KMT2D: variants seen among roughly 807,000 people sequenced by gnomAD.
KMT2D encodes the protein histone-lysine N-methyltransferase 2D.
A neutral mutation model predicts 512.7 loss-of-function variants in KMT2D; 55 were observed. The observed-to-expected ratio is 0.11, with a 90% CI of 0.09 to 0.13. The LOEUF is 0.13. Among genes scored for constraint, KMT2D ranks in the 10% least tolerant of loss-of-function variants. The pLI is 1.00. For synonymous variants in KMT2D, 2,995 were observed against 2,904.0 expected (o/e 1.03, Z -1.01); for missense variants, 6,061 against 7,127.9 (o/e 0.85, Z 5.39).
In KMT2D at chr12:49,038,251, G is replaced by A. The variant is rs1943320455; in HGVS notation, c.9105C>T (p.Asp3035=). ...CATTGAGCAGGTCATCCAAGTGGGG[G>A]TCATTGGTCTCCAGGTTTTCTAAGG... ...LGTLENLETN[D]PHLDDLLNGD... The change falls in exon 35 of 55, where the codon GAC becomes GAT. Residue 3035 remains aspartate, a synonymous_variant. Transcript: ENST00000301067. This position sits in a 1 kb window ranked among gnomAD's most constrained non-coding sequence, Gnocchi z 5.7. 6.2e-7 allele frequency: 1 copy of A among 1,613,856 alleles called. No individual in the cohort carries two copies. The highest frequency in any genetic ancestry group is 8.5e-7 in the Non-Finnish European group (1 of 1,179,900).
chr12:49,044,222 A>G lies in KMT2D; in HGVS notation c.5166T>C (p.Ser1722=). 6.2e-7 allele frequency: 1 copy of G among 1,611,460 alleles called. No homozygotes were observed. Among genetic ancestry groups the G allele is most frequent in the Non-Finnish European group, 8.5e-7 (1 of 1,179,656 alleles). ...CACCCTCGTCGGGCTGCCCATCCCC[A>G]CTCAACACCTCCGCCTGTGCAGCAG... ...KGPAAQAEVL[S]GDGQPDEVIP... is the part of the protein sequence containing the mutation. The change falls in exon 22 of 55, where the codon AGT becomes AGC. Residue 1722 remains serine (S), a synonymous_variant. Transcript: ENST00000301067. The surrounding 1 kb of genome is among the most constrained non-coding windows in gnomAD (Gnocchi z 6.4).
rs2120482406 is a variant in KMT2D at position 49,037,592 on chromosome 12, T to C, written c.9764A>G (p.His3255Arg). ...LPLLIEDLLEHEKKELQKKQQ... is the reference protein window; with the variant it reads ...LPLLIEDLLEREKKELQKKQQ... ...CTTCTTCTGCAGCTCCTTCTTCTCA[T>C]GCTCCAACAGGTCCTCAATGAGCAG... Residue 3255 changes from histidine to arginine, a missense_variant, in exon 35 of 55, where the codon CAT becomes CGT. By Grantham distance (29) the His-to-Arg change is conservative. Around this residue, in one of 16 missense-constraint regions of KMT2D, gnomAD observed 533 missense variants for 539.6 expected, o/e 0.99. Coordinates refer to ENST00000301067, the MANE Select transcript of KMT2D (RefSeq NM_003482.4). 6.4e-7 allele frequency: 1 copy of C among 1,556,116 alleles called. No homozygotes were observed.
intron 19 of KMT2D, among the ~76,000 whole-genome samples, chr12:49,045,643 CAA>C (rs559720363): frequency 3.3e-4 from 23 of 70,078 alleles, no homozygotes; most frequent in Admixed American, 6.7e-4. Context: ...GACTCCATCT[CAA>C]AAAAAAAAAA....
rs1316716261 is a variant in KMT2D at position 49,051,033 on chromosome 12, G to T, written c.2650C>A (p.Pro884Thr). 2 of 1,553,158 alleles carry T rather than the reference G, an allele frequency of 1.3e-6. No homozygotes were observed. The highest frequency in any genetic ancestry group is 1.7e-6 in the Non-Finnish European group (2 of 1,152,090). ...GATAAGGATGGTTCCCCAGGGGGAG[G>T]GAACAAGGGCAGCTCCTCAGGTGCA... is the stretch of plus-strand genomic sequence containing the variant. ...CPAPEELPLFPPPGEPSLSPL... is the reference protein window; with the variant it reads ...CPAPEELPLFTPPGEPSLSPL... Residue 884 changes from proline to threonine, a missense_variant, in exon 11 of 55, where the codon CCT (proline) becomes ACT (threonine). Coordinates refer to ENST00000301067, the MANE Select transcript of KMT2D (RefSeq NM_003482.4).
At chr12:49,047,232 G>A (rs893104775) in intron 15 of KMT2D, among the ~76,000 whole-genome samples, 1 of 151,970 alleles carries the variant, frequency 6.6e-6, no homozygotes, top group African/African-American at 2.4e-5. Context: ...CAGAGACTTA[G>A]GCAGAGCACC....
rs778292705 is a variant in KMT2D at position 49,051,672 on chromosome 12, A to T, written c.2011T>A (p.Leu671Met). The stretch of plus-strand genomic sequence containing the variant: ...GGAGACTCCTCAGGCGGTGGGGACA[A>T]GGGAGATTCCTCAGGCGGTGGAGAC... ...RLSPPPEESPLSPPPEESPTS... is the reference protein window; with the variant it reads ...RLSPPPEESPMSPPPEESPTS... Residue 671 changes from leucine to methionine, a missense_variant, in exon 11 of 55, where the codon TTG becomes ATG. Transcript: ENST00000301067. 13 of 1,182,320 alleles carry T rather than the reference A, an allele frequency of 1.1e-5. No homozygotes were observed. The highest frequency in any genetic ancestry group is 2.6e-5 in the African/African-American group (1 of 38,780). The allele number at this position is 1,182,320 out of a possible 1,614,324, so 73.2% of individuals were successfully genotyped here. A position where few individuals can be genotyped will look rare whatever the true frequency, so the allele number is the denominator to read the frequency against.
In KMT2D at chr12:49,026,499, T is replaced by C. The variant is rs769483933; in HGVS notation, c.15467A>G (p.Tyr5156Cys). The stretch of plus-strand genomic sequence containing the variant: ...TTGCTTCACCTCGTCCCGCTCAATG[T>C]AGACCCGCCGGAAGACAGCAAAAGA... ...LSSFAVFRRVYIERDEVKQIA... is the reference protein window; with the variant it reads ...LSSFAVFRRVCIERDEVKQIA... Residue 5156 changes from tyrosine (Y) to cysteine (C), a missense_variant, in exon 49 of 55, where the codon TAC (tyrosine) becomes TGC (cysteine). Physicochemically the swap from Tyr to Cys is radical, Grantham distance 194. Around this residue, in one of 16 missense-constraint regions of KMT2D, gnomAD observed 261 missense variants for 440.7 expected, o/e 0.59. Coordinates refer to ENST00000301067, the MANE Select transcript of KMT2D (RefSeq NM_003482.4). This position sits in a 1 kb window ranked among gnomAD's most constrained non-coding sequence, Gnocchi z 9.6. The C allele has an allele frequency of 6.2e-7, 1 of 1,613,908 alleles. No individual in the cohort carries two copies. Among genetic ancestry groups the C allele is most frequent in the Non-Finnish European group, 8.5e-7 (1 of 1,179,884 alleles).
chr12:49,031,114 T>A (rs2120415997), intron 40 of KMT2D, 61 bp downstream of exon 40: 1 of 1,610,472 alleles, frequency 6.2e-7, no homozygotes, highest in Admixed American at 1.7e-5. Flanking sequence ...GGCTCACTCA[T>A]TCTGCCCCCC....
rs757283005 is a variant in KMT2D at position 49,050,568 on chromosome 12, G to A, written c.3020C>T (p.Ser1007Phe). The A allele has an allele frequency of 8.7e-6, 14 of 1,604,302 alleles. No individual in the cohort carries two copies. The highest frequency in any genetic ancestry group is 3.3e-5 in the South Asian group (3 of 90,622). The change falls in exon 12 of 55, where the codon TCC becomes TTC. Residue 1007 changes from serine (S) to phenylalanine (F), a missense_variant. Coordinates refer to ENST00000301067, the MANE Select transcript of KMT2D (RefSeq NM_003482.4). ...GATGGGAGAAGCCGGCCCCACTGGG[G>A]AGCCTGGAGATGGGGGAAGGATCAT... ...PPMILPPSPG[S>F]PVGPASPILM... is the part of the protein sequence containing the mutation.
Position 49,054,743 on chromosome 12 carries a change from G to A in KMT2D, c.185C>T (p.Pro62Leu), listed in dbSNP as rs371342351. The part of the protein sequence containing the change: ...QETPQDCSGG[P>L]VRRCALCNCG... ...GTTACAGAGAGCACAACGCCGCACCGGACCCCCACTGTGGACACACAAGCA... is the reference window on the plus strand; with the variant it reads ...GTTACAGAGAGCACAACGCCGCACCAGACCCCCACTGTGGACACACAAGCA... The change falls in exon 4 of 55, where the codon CCG (proline) becomes CTG (leucine). Residue 62 changes from proline (P) to leucine (L), a missense_variant. Pro to Leu is a moderately conservative substitution (Grantham distance 98). Around this residue, in one of 16 missense-constraint regions of KMT2D, gnomAD observed 144 missense variants for 165.7 expected, o/e 0.87. Coordinates refer to ENST00000301067, the MANE Select transcript of KMT2D (RefSeq NM_003482.4). The surrounding 1 kb of genome is among the most constrained non-coding windows in gnomAD (Gnocchi z 6.4). 8.7e-6 allele frequency: 14 copies of A among 1,613,684 alleles called. No individual in the cohort carries two copies. Among genetic ancestry groups the A allele is most frequent in the South Asian group, 4.4e-5 (4 of 91,074 alleles).
At chr12:49,055,172 T>C in intron 2 of KMT2D, 104 bp downstream of exon 2, 2 of 1,540,094 alleles carry the variant, frequency 1.3e-6, no homozygotes, top group East Asian at 2.2e-5. Context: ...AGTTGTTCCA[T>C]TACTTATCTG....
In KMT2D at chr12:49,049,014, G is replaced by A. The variant is rs1157598647; in HGVS notation, c.4020+91C>T. ...TAGCCAGACAGGCCCTAGACGAGCA[G>A]GCAGGTAGGCAAGCATGCAAGGGAC... On this transcript the variant is annotated intron_variant, in intron 13 of 54. Coordinates refer to ENST00000301067, the MANE Select transcript of KMT2D (RefSeq NM_003482.4). 1.1e-5 allele frequency: 9 copies of A among 843,284 alleles called. No individual in the cohort carries two copies. The South Asian group carries it at 1.1e-4, about 11-fold the overall frequency. The allele number at this position is 843,284 out of a possible 1,614,324, so 52.2% of individuals were successfully genotyped here.
Position 49,033,870 on chromosome 12 carries a change from T to C in KMT2D, c.10835A>G (p.Gln3612Arg), listed in dbSNP as rs1264110495. 14 of 1,552,794 alleles carry C rather than the reference T, an allele frequency of 9.0e-6. No homozygotes were observed. Among genetic ancestry groups the C allele is most frequent in the Non-Finnish European group, 1.2e-5 (14 of 1,149,288 alleles). ...QQQQQQQQQQQHSAVLALSPS... is the reference protein window; with the variant it reads ...QQQQQQQQQQRHSAVLALSPS... Reference sequence around the variant, plus strand: ...GCTGAGAGCCAGCACAGCTGAGTGCTGTTGCTGTTGTTGCTGCTGCTGCTG... The same window carrying C: ...GCTGAGAGCCAGCACAGCTGAGTGCCGTTGCTGTTGTTGCTGCTGCTGCTG... The change falls in exon 40 of 55, where the codon CAG (glutamine) becomes CGG (arginine). Residue 3612 changes from glutamine to arginine, a missense_variant. Gln to Arg is a conservative substitution (Grantham distance 43). Around this residue, in one of 16 missense-constraint regions of KMT2D, gnomAD observed 1,600 missense variants for 1,754.9 expected, o/e 0.91. Coordinates refer to ENST00000301067, the MANE Select transcript of KMT2D (RefSeq NM_003482.4).
intron 42 of KMT2D, 60 bp downstream of exon 42, chr12:49,030,541 T>C (rs1942847950): frequency 8.0e-6 from 12 of 1,503,578 alleles, no homozygotes; most frequent in Non-Finnish European, 9.8e-6. Flanking sequence ...AGTTTTCTAT[T>C]CCCACCCTCA....
rs2120606378 is a variant in KMT2D at position 49,046,432 on chromosome 12, G to C, written c.4419-8C>G. On this transcript the variant is annotated splice_polypyrimidine_tract_variant and splice_region_variant and intron_variant, in intron 16 of 54. Coordinates refer to ENST00000301067, the MANE Select transcript of KMT2D (RefSeq NM_003482.4). This position sits in a 1 kb window ranked among gnomAD's most constrained non-coding sequence, Gnocchi z 4.2. Reference sequence around the variant, plus strand: ...TGCATACAGGACACACACCTGATAGGAGCAGGAAAACAGAGCTTTAGCACC... The same window carrying C: ...TGCATACAGGACACACACCTGATAGCAGCAGGAAAACAGAGCTTTAGCACC... 1.2e-6 allele frequency: 2 copies of C among 1,612,654 alleles called. No homozygotes were observed. Among genetic ancestry groups the C allele is most frequent in the Non-Finnish European group, 1.7e-6 (2 of 1,179,016 alleles).
Position 49,039,568 on chromosome 12 carries a change from G to T in KMT2D, c.8096C>A (p.Thr2699Asn). The change falls in exon 33 of 55, where the codon ACC (threonine) becomes AAC (asparagine). Residue 2699 changes from threonine (T) to asparagine (N), a missense_variant. Physicochemically the swap from Thr to Asn is moderately conservative, Grantham distance 65. Around this residue, in one of 16 missense-constraint regions of KMT2D, gnomAD observed 527 missense variants for 578.9 expected, o/e 0.91. Transcript: ENST00000301067. The surrounding 1 kb of genome is among the most constrained non-coding windows in gnomAD (Gnocchi z 5.0). Reference sequence around the variant, plus strand: ...AGCTGTTTCCTTCTCCTGCCGCAGGGTGTTGCGCTGGATCTGCTGCCGAAT... The same window carrying T: ...AGCTGTTTCCTTCTCCTGCCGCAGGTTGTTGCGCTGGATCTGCTGCCGAAT... ...LLIRQQIQRNTLRQEKETAAA... is the reference protein window; with the variant it reads ...LLIRQQIQRNNLRQEKETAAA... The T allele has an allele frequency of 6.2e-7, 1 of 1,611,744 alleles. No homozygotes were observed. The highest frequency in any genetic ancestry group is 8.5e-7 in the Non-Finnish European group (1 of 1,179,670).
chr12:49,042,304 T>C lies in KMT2D; in HGVS notation c.5894A>G (p.Glu1965Gly), dbSNP rs1477200051. 1.3e-6 allele frequency: 2 copies of C among 1,554,494 alleles called. No individual in the cohort carries two copies. Among genetic ancestry groups the C allele is most frequent in the Non-Finnish European group, 1.7e-6 (2 of 1,148,500 alleles). The change falls in exon 29 of 55, where the codon GAA becomes GGA. Residue 1965 changes from glutamate (E) to glycine (G), a missense_variant. By Grantham distance (98) the Glu-to-Gly change is moderately conservative. Transcript: ENST00000301067. The surrounding 1 kb of genome is among the most constrained non-coding windows in gnomAD (Gnocchi z 4.4). ...CCAGGGGCTGTCGGGCTCACCGGGTTCCGGGCTAAAGAAGCCCCCGCGCTC... is the reference window on the plus strand; with the variant it reads ...CCAGGGGCTGTCGGGCTCACCGGGTCCCGGGCTAAAGAAGCCCCCGCGCTC... ...SRERGGFFSP[E>G]PGEPDSPWTG... is the part of the protein sequence containing the mutation.
rs1943478988 is a variant in KMT2D, at chr12:49,040,816, G to A, written c.6954C>T (p.Gly2318=). Residue 2318 remains glycine (G), a synonymous_variant, in exon 32 of 55, where the codon GGC becomes GGT. Coordinates refer to ENST00000301067, the MANE Select transcript of KMT2D (RefSeq NM_003482.4). ...AGACATCAGGTGTCTTTAACTCCAG[G>A]CCACCCAGGTGGGTGCCTGAGGAGG... The part of the protein sequence containing the change: ...DSPSSGTHLG[G]LELKTPDVFK... The A allele has an allele frequency of 5.0e-6, 8 of 1,613,626 alleles. No homozygotes were observed. Among genetic ancestry groups the A allele is most frequent in the South Asian group, 2.2e-5 (2 of 91,082 alleles).
Position 49,054,588 on chromosome 12 carries a change from C to A in KMT2D, c.340G>T (p.Asp114Tyr), listed in dbSNP as rs1458907604. ...TCAGGGAAACCAATCTGTGATAGGTCCTCACTGGGCAGCACTGCCTCATTG... is the reference window on the plus strand; with the variant it reads ...TCAGGGAAACCAATCTGTGATAGGTACTCACTGGGCAGCACTGCCTCATTG... ...GPNEAVLPSE[D>Y]LSQIGFPEGL... The change falls in exon 4 of 55, where the codon GAC becomes TAC. Residue 114 changes from aspartate (D) to tyrosine (Y), a missense_variant. Asp to Tyr is a radical substitution (Grantham distance 160). Around this residue, in one of 16 missense-constraint regions of KMT2D, gnomAD observed 144 missense variants for 165.7 expected, o/e 0.87. Transcript: ENST00000301067. This position sits in a 1 kb window ranked among gnomAD's most constrained non-coding sequence, Gnocchi z 6.4. 1 of 1,613,210 alleles carries A rather than the reference C, an allele frequency of 6.2e-7. No individual in the cohort carries two copies. Among genetic ancestry groups the A allele is most frequent in the Non-Finnish European group, 8.5e-7 (1 of 1,179,540 alleles).
Sources: gnomAD v4.1 joint callset for allele counts (sites outside exome capture counted in the v4.1 genomes callset) on GRCh38, gnomAD v4.1.1 for gene constraint, gnomAD v4.1.1 regional missense constraint, Gnocchi (gnomAD v3.1) non-coding constraint, MANE v1.5 for transcripts, NCBI Gene and HGNC (gene_info 2026-07-23, HGNC 2026-07-21) for gene names.